The following SLC7A3 variants were observed in gnomAD, a reference collection of about 807,000 sequenced individuals.
SLC7A3 encodes the protein solute carrier family 7 member 3.
In SLC7A3, 3 loss-of-function variants were observed where a neutral mutation model predicts 33.2. The ratio of observed to expected loss-of-function variants is 0.09; its 90% CI spans 0.04 to 0.23. The LOEUF (loss-of-function observed/expected upper bound fraction) is 0.23, where lower values mean the gene tolerates loss of function less well. Among genes scored for constraint, SLC7A3 ranks in the 10% least tolerant of loss-of-function variants. SLC7A3 has a pLI of 1.00. For missense variants in SLC7A3, 360 were observed against 488.8 expected, an observed-to-expected ratio of 0.74 and a Z score of 2.48; for synonymous variants, 193 against 195.1, an observed-to-expected ratio of 0.99 and a Z score of 0.09.
Position 70,929,959 on chromosome X carries a change from C to T in SLC7A3, c.39G>A (p.Leu13=). The change falls in exon 2 of 12, where the codon CTG becomes CTA. Residue 13 remains leucine, a synonymous_variant. Transcript: ENST00000374299. ...WQAFRRFGQK[L]VRRRTLESGM... ...CTGACTCCAGTGTACGTCTGCGTAC[C>T]AGCTTTTGACCAAATCTGCGAAATG... 8.3e-7 allele frequency: 1 copy of T among 1,205,319 alleles called. No homozygotes were observed. Among genetic ancestry groups the T allele is most frequent in the Non-Finnish European group, 1.1e-6 (1 of 890,704 alleles).
chrX:70,930,169 C>G (rs767662402), intron 1 of SLC7A3, 147 bp from the exon 2 acceptor site: 301 of 526,600 alleles, frequency 5.7e-4, no homozygotes, highest in Non-Finnish European at 8.2e-4. Context: ...GTCACTTTAC[C>G]TCTAACCTCA....
chrX:70,928,946 G>T lies in SLC7A3; in HGVS notation c.427C>A (p.His143Asn). 1 of 1,211,458 alleles carries T rather than the reference G, an allele frequency of 8.3e-7. No individual in the cohort carries two copies. ...SSAFDNLIGN[H>N]ISKTLQGSIA... ...GACCCCTGCAGAGTCTTAGAGATGT[G>T]GTTCCCAATCAGGTTGTCAAAAGCA... is the stretch of plus-strand genomic sequence containing the variant. The change falls in exon 3 of 12, where the codon CAC (histidine) becomes AAC (asparagine). Residue 143 changes from histidine to asparagine, a missense_variant. Coordinates refer to ENST00000374299, the MANE Select transcript of SLC7A3 (RefSeq NM_032803.6).
At chrX:70,930,332 G>A (rs959002893) in intron 1 of SLC7A3, among the ~76,000 whole-genome samples, 1 of 111,778 alleles carries the variant, frequency 8.9e-6, no homozygotes, top group Non-Finnish European at 1.9e-5. Context: ...GCCAGAAACT[G>A]ATAGGGTTTA....
chrX:70,926,849 C>T, intron 9 of SLC7A3, 26 bp downstream of exon 9: 1 of 1,200,668 alleles, frequency 8.3e-7, no homozygotes, highest in African/African-American at 1.7e-5. Context: ...ATCTCAGAGC[C>T]ACCCCAGAAA....
At position 70,927,392 on chromosome X, in the gene SLC7A3, TA is replaced by T; in HGVS notation, c.1184-9del. On this transcript the variant is annotated splice_polypyrimidine_tract_variant and intron_variant, in intron 7 of 11. Coordinates refer to ENST00000374299, the MANE Select transcript of SLC7A3 (RefSeq NM_032803.6). Reference sequence around the variant, plus strand: ...AGAGGAATGCCATGAATGCTAAAATTAATAGGCAGGAAACAAGAAATGAGAG... The same window carrying T: ...AGAGGAATGCCATGAATGCTAAAATTATAGGCAGGAAACAAGAAATGAGAG... 1 of 1,209,706 alleles carries T rather than the reference TA, an allele frequency of 8.3e-7. No individual in the cohort carries two copies. The highest frequency in any genetic ancestry group is 1.8e-5 in the South Asian group (1 of 56,608).
chrX:70,927,959 G>A lies in SLC7A3; in HGVS notation c.882C>T (p.Val294=). Residue 294 remains valine (V), a synonymous_variant, in exon 6 of 12, where the codon GTC becomes GTT. Coordinates refer to ENST00000374299, the MANE Select transcript of SLC7A3 (RefSeq NM_032803.6). ...AGACAGCAAAATACGCCAAAAAGCAGACAGACAGTGAGATCACAATGCCCA... is the reference window on the plus strand; with the variant it reads ...AGACAGCAAAATACGCCAAAAAGCAAACAGACAGTGAGATCACAATGCCCA... ...IPMGIVISLS[V]CFLAYFAVSS... The A allele has an allele frequency of 8.3e-7, 1 of 1,211,695 alleles. No individual in the cohort carries two copies. Among genetic ancestry groups the A allele is most frequent in the South Asian group, 1.8e-5 (1 of 56,888 alleles).
chrX:70,930,317 C>T (rs942931145), intron 1 of SLC7A3, among the ~76,000 whole-genome samples: 5 of 111,973 alleles, frequency 4.5e-5, no homozygotes, highest in African/African-American at 1.6e-4. Flanking sequence ...AGGTCTCTTT[C>T]TCTTGCCAGA....
At position 70,930,089 on chromosome X, in the gene SLC7A3, C is replaced by T. The variant is rs1278813504; in HGVS notation, c.-25-67G>A. The T allele has an allele frequency of 4.8e-6, 5 of 1,042,714 alleles. No homozygotes were observed. In the Admixed American group the frequency reaches 1.2e-4, roughly 24 times the overall value. The allele number at this position is 1,042,714 out of a possible 1,213,427, so 85.9% of individuals were successfully genotyped here. A position where few individuals can be genotyped will look rare whatever the true frequency, so the allele number is the denominator to read the frequency against. On this transcript the variant is annotated intron_variant, in intron 1 of 11. Transcript: ENST00000374299. ...ATCCCTAAACTCTGAAAGCGAATTACAAGACCCCCTCCACCAAGCAAAGGA... is the reference window on the plus strand; with the variant it reads ...ATCCCTAAACTCTGAAAGCGAATTATAAGACCCCCTCCACCAAGCAAAGGA...
Position 70,925,988 on chromosome X carries a change from T to C in SLC7A3, c.1730-45A>G, listed in dbSNP as rs1294796289. Reference sequence around the variant, plus strand: ...GTGAGGTGGGGGTGTAAAGGCTTCATAGGTTTCCTACTTGAGACCAAGAGG... The same window carrying C: ...GTGAGGTGGGGGTGTAAAGGCTTCACAGGTTTCCTACTTGAGACCAAGAGG... On this transcript the variant is annotated intron_variant, in intron 11 of 11. Coordinates refer to ENST00000374299, the MANE Select transcript of SLC7A3 (RefSeq NM_032803.6). The C allele has an allele frequency of 4.1e-6, 5 of 1,207,569 alleles. No individual in the cohort carries two copies. The African/African-American group carries it at 7.0e-5, about 17-fold the overall frequency.
In SLC7A3 at chrX:70,930,957, T is replaced by G. The variant is rs1470739216; in HGVS notation, c.-26+20A>C. ...CTCGCCGTCCCCCCTCCGACACACG[T>G]GTGGGTCCCCAACGCTTACCAGAGA... On this transcript the variant is annotated intron_variant, in intron 1 of 11. Transcript: ENST00000374299. The G allele has an allele frequency of 9.0e-6, 1 of 110,732 alleles. No individual in the cohort carries two copies. The highest frequency in any genetic ancestry group is 1.9e-5 in the Non-Finnish European group (1 of 52,905). The allele number at this position is 110,732 out of a possible 1,213,427, so 9.1% of individuals were successfully genotyped here.
intron 6 of SLC7A3, 48 bp from the exon 7 acceptor site, chrX:70,927,671 T>C: frequency 8.4e-7 from 1 of 1,187,650 alleles, no homozygotes; most frequent in Non-Finnish European, 1.1e-6. Context: ...GGGATCTCTC[T>C]TCCCAAGACT....
chrX:70,927,620 G>T lies in SLC7A3; in HGVS notation c.1047C>A (p.Leu349=). The T allele has an allele frequency of 8.3e-7, 1 of 1,208,319 alleles. No homozygotes were observed. Residue 349 remains leucine, a synonymous_variant, in exon 7 of 12, where the codon CTC becomes CTA. Transcript: ENST00000374299. ...VGSLCALSTS[L]LGSMFPMPRV... ...GAGGCATGGGGAACATGGAGCCCAG[G>T]AGGCTGGAGAGGAGAATGCCCAGGG...
intron 10 of SLC7A3, 127 bp downstream of exon 10, chrX:70,926,400 G>C: frequency 1.2e-6 from 1 of 839,720 alleles, no homozygotes; most frequent in Non-Finnish European, 1.7e-6. Context: ...CTTTGGCCTA[G>C]GTACCTCCTA....
At chrX:70,930,603 A>G (rs1489334047) in intron 1 of SLC7A3, among the ~76,000 whole-genome samples, 1 of 112,103 alleles carries the variant, frequency 8.9e-6, no homozygotes, top group African/African-American at 3.2e-5. Flanking sequence ...ATGTTCCCCT[A>G]CTTCCTCCCA....
At position 70,926,151 on chromosome X, in the gene SLC7A3, T is replaced by C. The variant is rs754432563; in HGVS notation, c.1648A>G (p.Met550Val). ...KVPALPLLPL[M>V]SIFVNIYLMM... is the part of the protein sequence containing the mutation. ...AGGTAAATATTCACAAAGATGCTCA[T>C]TAGTGGGAGGAGAGGCAAAGCAGGC... The change falls in exon 11 of 12, where the codon ATG becomes GTG. Residue 550 changes from methionine (M) to valine (V), a missense_variant. Coordinates refer to ENST00000374299, the MANE Select transcript of SLC7A3 (RefSeq NM_032803.6). 2.5e-6 allele frequency: 3 copies of C among 1,210,003 alleles called. No homozygotes were observed. The Admixed American group carries it at 6.5e-5, about 26-fold the overall frequency.
In SLC7A3 at chrX:70,926,876, A is replaced by G; in HGVS notation, c.1452T>C (p.Leu484=). Residue 484 remains leucine (L), a splice_region_variant and synonymous_variant, in exon 9 of 12, where the codon CTT becomes CTC. Transcript: ENST00000374299. The stretch of plus-strand genomic sequence containing the variant: ...CCCCAGAAAAATTCCACTGCTCACC[A>G]AGCAATGAGGAACAAACATAGACAA... ...GQIVYVCSSL[L]AVLLTALCLV... 8.3e-7 allele frequency: 1 copy of G among 1,206,727 alleles called. No individual in the cohort carries two copies. Among genetic ancestry groups the G allele is most frequent in the Non-Finnish European group, 1.1e-6 (1 of 893,744 alleles).
At position 70,928,624 on chromosome X, in the gene SLC7A3, G is replaced by A. The variant is rs370745589; in HGVS notation, c.539C>T (p.Ala180Val). Residue 180 changes from alanine (A) to valine (V), a missense_variant, in exon 4 of 12, where the codon GCT becomes GTT. Ala to Val is a moderately conservative substitution (Grantham distance 64, BLOSUM62 0). Coordinates refer to ENST00000374299, the MANE Select transcript of SLC7A3 (RefSeq NM_032803.6). The stretch of plus-strand genomic sequence containing the variant: ...CAGGGCCGACTCACTAGCCCCGAGA[G>A]CCAACAATCCTGTGGGAGAAATGCA... Reference protein sequence around the residue: ...GLVLLLTGLLALGASESALVT... With the variant: ...GLVLLLTGLLVLGASESALVT... 1 of 1,199,225 alleles carries A rather than the reference G, an allele frequency of 8.3e-7. No individual in the cohort carries two copies. Among genetic ancestry groups the A allele is most frequent in the African/African-American group, 1.8e-5 (1 of 56,758 alleles).
Position 70,926,059 on chromosome X carries a change from T to G in SLC7A3, c.1729+11A>C. 1 of 1,208,493 alleles carries G rather than the reference T, an allele frequency of 8.3e-7. No homozygotes were observed. The highest frequency in any genetic ancestry group is 1.1e-6 in the Non-Finnish European group (1 of 892,807). On this transcript the variant is annotated intron_variant, in intron 11 of 11. Coordinates refer to ENST00000374299, the MANE Select transcript of SLC7A3 (RefSeq NM_032803.6). ...ACCAAAGAAGCCTACTCTTCCCAAGTGGATACCTACCAATCAGCATCCAGA... is the reference window on the plus strand; with the variant it reads ...ACCAAAGAAGCCTACTCTTCCCAAGGGGATACCTACCAATCAGCATCCAGA...
At position 70,929,825 on chromosome X, in the gene SLC7A3, G is replaced by A; in HGVS notation, c.173C>T (p.Ala58Val). The A allele has an allele frequency of 1.7e-6, 2 of 1,209,994 alleles. No homozygotes were observed. Among genetic ancestry groups the A allele is most frequent in the Non-Finnish European group, 1.1e-6 (1 of 894,602 alleles). ...AGVYVLAGEV[A>V]KDKAGPSIVI... ...AATGGATGGCCCTGCTTTATCTTTGGCCACCTCGCCAGCTAGGACATACAC... is the reference window on the plus strand; with the variant it reads ...AATGGATGGCCCTGCTTTATCTTTGACCACCTCGCCAGCTAGGACATACAC... Residue 58 changes from alanine to valine, a missense_variant, in exon 2 of 12, where the codon GCC becomes GTC. By Grantham distance (64) the Ala-to-Val change is moderately conservative. Coordinates refer to ENST00000374299, the MANE Select transcript of SLC7A3 (RefSeq NM_032803.6).
Sources: allele counts gnomAD v4.1 joint callset (sites outside exome capture counted in the v4.1 genomes callset), GRCh38; gene constraint gnomAD v4.1.1; transcripts MANE v1.5; gene names NCBI Gene and HGNC (gene_info 2026-07-23, HGNC 2026-07-21).